Variants in AIG1 observed in about 807,000 individuals in gnomAD.
AIG1 encodes androgen induced 1, also known as androgen-induced gene 1 protein.
AIG1 carries 23 observed loss-of-function variants against 31.4 expected under a neutral mutation model. That is an observed-to-expected ratio of 0.73 (90% CI 0.53 to 1.04). AIG1 has a LOEUF of 1.04. AIG1 is among the 50% of genes least tolerant of loss of function. AIG1 has a pLI of 0.00. For missense variants in AIG1, 274 were observed against 295.0 expected (o/e 0.93, Z 0.52); for synonymous variants, 100 against 110.5 (o/e 0.90, Z 0.60).
At chr6:143,104,728 A>G (rs570309383) in intron 1 of AIG1, among the ~76,000 whole-genome samples, 2 of 152,006 alleles carry the variant, frequency 1.3e-5, no homozygotes, top group African/African-American at 2.4e-5. Context: ...AGAAAGCTTC[A>G]TCTCTACAAA....
chr6:143,150,950 G>T (rs1344286027), intron 2 of AIG1, among the ~76,000 whole-genome samples: 14 of 152,062 alleles, frequency 9.2e-5, no homozygotes, highest in Non-Finnish European at 2.1e-4. Flanking sequence ...TTCTAGATGG[G>T]GCCTAGGCAG....
At chr6:143,305,595 T>C (rs1039045343) in intron 4 of AIG1, among the ~76,000 whole-genome samples, 2 of 152,206 alleles carry the variant, frequency 1.3e-5, no homozygotes, top group Non-Finnish European at 2.9e-5. Flanking sequence ...AGAGACAGTT[T>C]GTTATAATTT....
chr6:143,201,767 G>GA (rs1790717088), intron 3 of AIG1, among the ~76,000 whole-genome samples: 1 of 152,106 alleles, frequency 6.6e-6, no homozygotes, highest in Non-Finnish European at 1.5e-5. Context: ...TAGGTCTTGA[G>GA]AAAATGAAAT....
chr6:143,317,433 A>G (rs552696810), intron 4 of AIG1, among the ~76,000 whole-genome samples: 17 of 152,272 alleles, frequency 1.1e-4, no homozygotes, highest in Admixed American at 9.2e-4. Flanking sequence ...GATGAAGAAA[A>G]AGCAGTTGAC....
At chr6:143,160,885 AC>A (rs1786300456) in intron 2 of AIG1, among the ~76,000 whole-genome samples, 1 of 152,212 alleles carries the variant, frequency 6.6e-6, no homozygotes, top group Non-Finnish European at 1.5e-5. Flanking sequence ...CTTGAAAGTC[AC>A]TTCACTTTTA....
chr6:143,250,330 C>G (rs561330055), intron 3 of AIG1, among the ~76,000 whole-genome samples: 26 of 152,338 alleles, frequency 1.7e-4, no homozygotes, highest in Non-Finnish European at 3.4e-4. Flanking sequence ...GCCACTTACT[C>G]TGATCTGAGC....
chr6:143,100,661 G>A (rs6914857), intron 1 of AIG1, among the ~76,000 whole-genome samples: 33,850 of 151,796 alleles, frequency 0.22, 7,628 homozygotes, highest in African/African-American at 0.56. Context: ...AGAGAAGATA[G>A]TAATATAGTC....
chr6:143,278,530 G>A (rs566887961), intron 3 of AIG1, among the ~76,000 whole-genome samples: 9 of 149,722 alleles, frequency 6.0e-5, no homozygotes, highest in South Asian at 2.1e-4. Flanking sequence ...GTGCGGTGGC[G>A]TGATCTCGGC....
intron 1 of AIG1, among the ~76,000 whole-genome samples, chr6:143,120,101 T>C (rs1289611032): frequency 6.6e-6 from 1 of 152,078 alleles, no homozygotes; most frequent in Non-Finnish European, 1.5e-5. Flanking sequence ...TGGCTAATTT[T>C]TTTTGTATTT....
At chr6:143,253,790 C>A (rs1045602269) in intron 3 of AIG1, among the ~76,000 whole-genome samples, 1 of 152,140 alleles carries the variant, frequency 6.6e-6, no homozygotes, top group African/African-American at 2.4e-5. Flanking sequence ...ACTTCCACTC[C>A]AACAACACTT....
At chr6:143,282,397 G>C (rs935963735) in intron 3 of AIG1, among the ~76,000 whole-genome samples, 1 of 152,130 alleles carries the variant, frequency 6.6e-6, no homozygotes. Flanking sequence ...ATGCACCATT[G>C]TAAAACTATT....
intron 4 of AIG1, among the ~76,000 whole-genome samples, chr6:143,317,048 A>G (rs551880033): frequency 1.9e-4 from 29 of 152,126 alleles, no homozygotes; most frequent in Non-Finnish European, 4.1e-4. Context: ...ATCCAGGACC[A>G]GTTGGATTCA....
chr6:143,259,428 G>A (rs1795591033), intron 3 of AIG1, among the ~76,000 whole-genome samples: 1 of 151,846 alleles, frequency 6.6e-6, no homozygotes, highest in Non-Finnish European at 1.5e-5. Flanking sequence ...CATCTCTTTG[G>A]CTACTTTCTC....
At chr6:143,255,029 CCTGT>C (rs1005119620) in intron 3 of AIG1, among the ~76,000 whole-genome samples, 168 of 152,198 alleles carry the variant, frequency 1.1e-3, no homozygotes, top group Admixed American at 2.3e-3. Flanking sequence ...ACAGTGAGAA[CCTGT>C]CTCAAAAGAT....
intron 3 of AIG1, among the ~76,000 whole-genome samples, chr6:143,198,356 G>A (rs145118298): frequency 1.6e-3 from 237 of 152,330 alleles, no homozygotes; most frequent in African/African-American, 5.3e-3. Context: ...CTCAGTTAAT[G>A]TCTGCTGATC....
rs936346428 is a variant in AIG1, at chr6:143,284,153, C to T, written c.443C>T (p.Ser148Leu). ...TTTATATTAATCGAGATGAGGACAT[C>T]GCACCATCAGTATCCCAGCAGGAGC... ...LPFILIEMRT[S>L]HHQYPSRSSG... The change falls in exon 4 of 6, where the codon TCG becomes TTG. Residue 148 changes from serine to leucine, a missense_variant. By Grantham distance (145) the Ser-to-Leu change is moderately radical. This residue lies in a region of AIG1 where 243 missense variants were observed against 238.5 expected (regional missense o/e 1.02). Coordinates refer to ENST00000357847, the MANE Select transcript of AIG1 (RefSeq NM_016108.4). The surrounding 1 kb of genome is among the most constrained non-coding windows in gnomAD (Gnocchi z 4.4). 15 of 1,613,876 alleles carry T rather than the reference C, an allele frequency of 9.3e-6. No individual in the cohort carries two copies. The highest frequency in any genetic ancestry group is 8.9e-5 in the East Asian group (4 of 44,890).
intron 4 of AIG1, among the ~76,000 whole-genome samples, chr6:143,316,580 A>G (rs1245711504): frequency 6.6e-6 from 1 of 152,042 alleles, no homozygotes; most frequent in Admixed American, 6.6e-5. Context: ...ATCTAAGACC[A>G]CACCTCAAAG....
At chr6:143,305,906 C>G (rs1799263467) in intron 4 of AIG1, among the ~76,000 whole-genome samples, 1 of 152,118 alleles carries the variant, frequency 6.6e-6, no homozygotes, top group Admixed American at 6.5e-5. Context: ...AAACTGGGTG[C>G]TCCTGTATTG....
intron 2 of AIG1, among the ~76,000 whole-genome samples, chr6:143,155,425 G>A (rs544882585): frequency 1.4e-4 from 21 of 152,174 alleles, no homozygotes; most frequent in African/African-American, 4.1e-4. Flanking sequence ...TTCTATGGTC[G>A]GGTGAGCTGG....
Sources: gnomAD v4.1 joint callset for allele counts (sites outside exome capture counted in the v4.1 genomes callset) on GRCh38, gnomAD v4.1.1 for gene constraint, gnomAD v4.1.1 regional missense constraint, Gnocchi (gnomAD v3.1) non-coding constraint, MANE v1.5 for transcripts, NCBI Gene and HGNC (gene_info 2026-07-23, HGNC 2026-07-21) for gene names.